FOXN3: variants seen among roughly 807,000 people sequenced by gnomAD.
FOXN3 encodes forkhead box protein N3.
FOXN3 carries 7 observed loss-of-function variants against 38.4 expected under a neutral mutation model. The ratio of observed to expected loss-of-function variants is 0.18; its 90% CI spans 0.10 to 0.34. The LOEUF (loss-of-function observed/expected upper bound fraction) is 0.34, where lower values mean the gene tolerates loss of function less well. FOXN3 is among the 10% of genes least tolerant of loss of function. The pLI, the probability that FOXN3 is intolerant of heterozygous loss-of-function variation, is 1.00. For missense variants in FOXN3, 456 were observed against 613.4 expected (o/e 0.74, Z 2.71); for synonymous variants, 230 against 242.2 (o/e 0.95, Z 0.47).
At chr14:89,568,121 A>T (rs887845265) in intron 1 of FOXN3, among the ~76,000 whole-genome samples, 2 of 151,802 alleles carry the variant, frequency 1.3e-5, no homozygotes, top group African/African-American at 4.8e-5. Context: ...CTCCCATCTT[A>T]GTAATTGTCA....
At chr14:89,292,878 C>T (rs918036127) in intron 3 of FOXN3, among the ~76,000 whole-genome samples, 1 of 152,194 alleles carries the variant, frequency 6.6e-6, no homozygotes, top group Non-Finnish European at 1.5e-5. Flanking sequence ...ACATGAGAAG[C>T]CTCTTTCTGG....
chr14:89,519,120 T>C (rs1416641600), intron 1 of FOXN3, among the ~76,000 whole-genome samples: 1 of 151,142 alleles, frequency 6.6e-6, no homozygotes, highest in Non-Finnish European at 1.5e-5. Flanking sequence ...CTGGAGGAAA[T>C]GGTCAAGCTG....
intron 1 of FOXN3, among the ~76,000 whole-genome samples, chr14:89,434,264 C>T (rs1390411678): frequency 7.0e-6 from 1 of 142,892 alleles, no homozygotes; most frequent in African/African-American, 2.6e-5. Flanking sequence ...GCTCTTGTTA[C>T]CCAGGCTGCA....
chr14:89,291,947 T>C (rs1886886023), intron 3 of FOXN3, among the ~76,000 whole-genome samples: 1 of 152,106 alleles, frequency 6.6e-6, no homozygotes, highest in Non-Finnish European at 1.5e-5. Context: ...TTCCAGTTAT[T>C]GCTGTGTGTC....
At chr14:89,365,624 T>A (rs138535269) in intron 2 of FOXN3, among the ~76,000 whole-genome samples, 24 of 152,322 alleles carry the variant, frequency 1.6e-4, no homozygotes, top group African/African-American at 5.5e-4. Context: ...GTTTAACTCT[T>A]CTTCTCCATC....
intron 4 of FOXN3, among the ~76,000 whole-genome samples, chr14:89,247,816 T>C (rs943436021): frequency 6.6e-6 from 1 of 152,208 alleles, no homozygotes; most frequent in Non-Finnish European, 1.5e-5. Flanking sequence ...TAAAATCCAG[T>C]CTCTTCTTCA....
intron 1 of FOXN3, among the ~76,000 whole-genome samples, chr14:89,504,740 T>C (rs541300304): frequency 2.0e-5 from 3 of 152,344 alleles, no homozygotes; most frequent in Admixed American, 6.5e-5. Context: ...CTTCTTGGTA[T>C]AGACTTCTTG....
chr14:89,353,508 T>C (rs1232545632), intron 2 of FOXN3: 11 of 152,108 alleles, frequency 7.2e-5, no homozygotes, highest in Non-Finnish European at 1.2e-4. Context: ...GGAAGAGCTT[T>C]TTGACATTCT....
chr14:89,426,478 C>T (rs932573079), intron 1 of FOXN3, among the ~76,000 whole-genome samples: 8 of 151,966 alleles, frequency 5.3e-5, no homozygotes, highest in Admixed American at 2.6e-4. Flanking sequence ...CCACCCGCCT[C>T]GGCCTCCCAA....
At chr14:89,180,156 A>G (rs1030392029) in intron 5 of FOXN3, among the ~76,000 whole-genome samples, 6 of 152,208 alleles carry the variant, frequency 3.9e-5, no homozygotes, top group African/African-American at 1.4e-4. Flanking sequence ...GAAATGTCCC[A>G]AGGAAGGGTT....
At chr14:89,343,723 C>CA (rs148271024) in intron 3 of FOXN3, among the ~76,000 whole-genome samples, 28,025 of 97,820 alleles carry the variant, frequency 0.29, 2,742 homozygotes, top group South Asian at 0.32. Flanking sequence ...GGAATTTATT[C>CA]CAAAAAAAAA....
rs535691224 is a variant in FOXN3, at chr14:89,180,931, A to AAC, written c.746-127_746-126dup. The AAC allele has an allele frequency of 1.2e-3, 553 of 449,866 alleles. 1 individual carries two copies. The African/African-American group carries it at 0.023, about 18-fold the overall frequency. The allele number at this position is 449,866 out of a possible 1,614,324, so 27.9% of individuals were successfully genotyped here. The stretch of plus-strand genomic sequence containing the variant: ...GAGACAGAGGGCAGAGACAGAGAGA[A>AAC]ACACACACACACACGTGCACATACA... On this transcript the variant is annotated intron_variant, in intron 4 of 5. Transcript: ENST00000557258.
intron 3 of FOXN3, among the ~76,000 whole-genome samples, chr14:89,288,722 CTCTATATATATATATATATATATATA>C (rs1886754992): frequency 3.9e-3 from 112 of 28,862 alleles, no homozygotes; most frequent in Admixed American, 8.5e-3. Flanking sequence ...CTCTCTCTCT[CTCTATATATATATATATATATATATA>C]TATATATATA....
chr14:89,163,097 T>A lies in FOXN3; in HGVS notation c.852-128A>T. 2.4e-6 allele frequency: 2 copies of A among 839,476 alleles called. No homozygotes were observed. Among genetic ancestry groups the A allele is most frequent in the Non-Finnish European group, 1.7e-6 (1 of 581,010 alleles). The allele number at this position is 839,476 out of a possible 1,614,324, so 52.0% of individuals were successfully genotyped here. On this transcript the variant is annotated intron_variant, in intron 5 of 5. Coordinates refer to ENST00000557258, the MANE Select transcript of FOXN3 (RefSeq NM_005197.4). This position sits in a 1 kb window ranked among gnomAD's most constrained non-coding sequence, Gnocchi z 4.3. ...GTCCCTTTGTGTTCAATGGAGCCAC[T>A]CGCAAACTGTGGGGGCAACAGGTGG...
chr14:89,560,703 G>A (rs1895231020), intron 1 of FOXN3, among the ~76,000 whole-genome samples: 1 of 152,190 alleles, frequency 6.6e-6, no homozygotes, highest in South Asian at 2.1e-4. Context: ...TGTCTCTGAG[G>A]ATATTCAAAA....
chr14:89,404,131 C>G (rs1229091810), intron 2 of FOXN3, among the ~76,000 whole-genome samples: 1 of 152,028 alleles, frequency 6.6e-6, no homozygotes, highest in Non-Finnish European at 1.5e-5. Context: ...GAAAGGTTTG[C>G]CAGAGCAAGA....
chr14:89,522,957 A>G (rs916063811), intron 1 of FOXN3, among the ~76,000 whole-genome samples: 1 of 151,884 alleles, frequency 6.6e-6, no homozygotes, highest in African/African-American at 2.4e-5. Flanking sequence ...AGACCAAACT[A>G]TATATACTTA....
In FOXN3 at chr14:89,282,409, T is replaced by C. The variant is rs1455979193; in HGVS notation, c.681-1395A>G. Among the ~76,000 whole-genome samples the C allele has an allele frequency of 2.0e-5, 3 of 152,178 alleles. No homozygotes were observed. In the East Asian group the frequency reaches 5.8e-4, roughly 29 times the overall value. ...CAGAGTGGCCAGGAGCTTCACAGGG[T>C]AACAGCAGACCGGACTGGAGTCTCA... On this transcript the variant is annotated intron_variant, in intron 3 of 5. Coordinates refer to ENST00000557258, the MANE Select transcript of FOXN3 (RefSeq NM_005197.4).
At chr14:89,573,371 A>G (rs983924342) in intron 1 of FOXN3, among the ~76,000 whole-genome samples, 3 of 152,206 alleles carry the variant, frequency 2.0e-5, no homozygotes, top group Non-Finnish European at 4.4e-5. Context: ...CAAGTCTCAT[A>G]CAGTGTCTGT....
Sources: gnomAD v4.1 joint callset for allele counts (sites outside exome capture counted in the v4.1 genomes callset) on GRCh38, gnomAD v4.1.1 for gene constraint, Gnocchi (gnomAD v3.1) non-coding constraint, MANE v1.5 for transcripts, NCBI Gene and HGNC (gene_info 2026-07-23, HGNC 2026-07-21) for gene names.